The following PTGIR variants were observed in gnomAD, a reference collection of about 807,000 sequenced individuals.
The protein encoded by PTGIR is prostaglandin I2 receptor, also known as prostacyclin receptor.
A neutral mutation model predicts 17.6 loss-of-function variants in PTGIR; 16 were observed. The ratio of observed to expected loss-of-function variants is 0.91; its 90% CI spans 0.61 to 1.38. The LOEUF (loss-of-function observed/expected upper bound fraction) is 1.38. Ranked by LOEUF, PTGIR falls within the 40% of genes most tolerant of loss-of-function variation. The pLI, the probability that PTGIR is intolerant of heterozygous loss-of-function variation, is 0.00. For missense variants in PTGIR, 532 were observed against 548.6 expected (o/e 0.97, Z 0.30); for synonymous variants, 274 against 255.4 (o/e 1.07, Z -0.69).
intron 2 of PTGIR, chr19:46,622,290 A>T: frequency 1.0e-6 from 1 of 985,248 alleles, no homozygotes; most frequent in Non-Finnish European, 1.2e-6. Flanking sequence ...GGCAGAGGGG[A>T]GCCAGGTAGG....
rs1478685850 is a variant in PTGIR at position 46,623,872 on chromosome 19, G to T, written c.354C>A (p.Cys118Ter). The T allele has an allele frequency of 6.2e-7, 1 of 1,610,498 alleles. No individual in the cohort carries two copies. Residue 118 changes from cysteine to a stop codon, truncating the protein, a stop_gained, in exon 2 of 3, where the codon TGC (cysteine) becomes TGA (stop). Coordinates refer to ENST00000291294, the MANE Select transcript of PTGIR (RefSeq NM_000960.4). LOFTEE classifies it high-confidence loss of function. Reference sequence around the variant, plus strand: ...AGAGGTAGGGGTGGCTCAGCGCCAGGCAGCGCTCCACGGCCATGGCAAAGA... The same window carrying T: ...AGAGGTAGGGGTGGCTCAGCGCCAGTCAGCGCTCCACGGCCATGGCAAAGA... ...LILFAMAVER[C>*]LALSHPYLYA...
At chr19:46,619,957 C>T (rs1972035256), downstream of PTGIR, among the ~76,000 whole-genome samples, 2 of 152,302 alleles carry the variant, frequency 1.3e-5, no homozygotes, top group South Asian at 2.1e-4. Flanking sequence ...CACCCTCCAT[C>T]CTGGGCCTCT....
Position 46,623,863 on chromosome 19 carries a change from C to T in PTGIR, c.363G>A (p.Leu121=), listed in dbSNP as rs1485816594. The change falls in exon 2 of 3, where the codon CTG becomes CTA. Residue 121 remains leucine (L), a synonymous_variant. Transcript: ENST00000291294. ...GCTGCGCGTAGAGGTAGGGGTGGCT[C>T]AGCGCCAGGCAGCGCTCCACGGCCA... The part of the protein sequence containing the change: ...FAMAVERCLA[L]SHPYLYAQLD... The T allele has an allele frequency of 6.2e-7, 1 of 1,609,934 alleles. No individual in the cohort carries two copies. The highest frequency in any genetic ancestry group is 8.5e-7 in the Non-Finnish European group (1 of 1,178,572).
Position 46,620,794 on chromosome 19 carries a change from G to A in PTGIR, c.*486C>T. Reference sequence around the variant, plus strand: ...GACCAGCGGCAAGGGAAGGCAGGGAGCTTTTCCAATAACTGTGGTTTTTGT... The same window carrying A: ...GACCAGCGGCAAGGGAAGGCAGGGAACTTTTCCAATAACTGTGGTTTTTGT... On this transcript the variant is annotated 3_prime_UTR_variant, in exon 3 of 3. Coordinates refer to ENST00000291294, the MANE Select transcript of PTGIR (RefSeq NM_000960.4). 1.0e-6 allele frequency: 1 copy of A among 986,376 alleles called. No individual in the cohort carries two copies. The highest frequency in any genetic ancestry group is 1.2e-6 in the Non-Finnish European group (1 of 830,304). The allele number at this position is 986,376 out of a possible 1,614,324, so 61.1% of individuals were successfully genotyped here.
In PTGIR at chr19:46,621,216, T is replaced by A; in HGVS notation, c.*64A>T. On this transcript the variant is annotated 3_prime_UTR_variant, in exon 3 of 3. Transcript: ENST00000291294. The surrounding 1 kb of genome is among the most constrained non-coding windows in gnomAD (Gnocchi z 4.8). Reference sequence around the variant, plus strand: ...CCAGCATCCGCAGCCATCAGCCATGTCCCTGATTTTCTGGCTCCTGTCGCC... The same window carrying A: ...CCAGCATCCGCAGCCATCAGCCATGACCCTGATTTTCTGGCTCCTGTCGCC... The A allele has an allele frequency of 6.8e-7, 1 of 1,471,218 alleles. No homozygotes were observed. The highest frequency in any genetic ancestry group is 1.6e-5 in the South Asian group (1 of 63,158). 91.1% of individuals were successfully genotyped at this position (1,471,218 alleles called of 1,614,324 possible). A position where few individuals can be genotyped will look rare whatever the true frequency, so the allele number is the denominator to read the frequency against.
intron 2 of PTGIR, chr19:46,622,484 TA>T: frequency 1.2e-6 from 1 of 804,414 alleles, no homozygotes. Flanking sequence ...GAAGTATCTG[TA>T]AGCCACTAAG....
At position 46,623,679 on chromosome 19, in the gene PTGIR, C is replaced by G. The variant is rs758087985; in HGVS notation, c.547G>C (p.Ala183Pro). 1.9e-6 allele frequency: 3 copies of G among 1,548,810 alleles called. No homozygotes were observed. The South Asian group carries it at 3.5e-5, about 18-fold the overall frequency. ...RMRWAQPGGA[A>P]FSLAYAGLVA... is the part of the protein sequence containing the mutation. The stretch of plus-strand genomic sequence containing the variant: ...AGGCCGGCGTAGGCCAGCGAGAAGG[C>G]GGCGCCGCCCGGCTGGGCCCAGCGC... The change falls in exon 2 of 3, where the codon GCC becomes CCC. Residue 183 changes from alanine (A) to proline (P), a missense_variant. Coordinates refer to ENST00000291294, the MANE Select transcript of PTGIR (RefSeq NM_000960.4).
the PTGIR span, among the ~76,000 whole-genome samples, chr19:46,613,200 T>C: frequency 6.8e-6 from 1 of 147,060 alleles, no homozygotes; most frequent in African/African-American, 2.5e-5. Context: ...CATGCCACCA[T>C]GCCCGGCTAA....
At chr19:46,612,263 G>C in the PTGIR span, among the ~76,000 whole-genome samples, 1 of 152,184 alleles carries the variant, frequency 6.6e-6, no homozygotes, top group Non-Finnish European at 1.5e-5. Flanking sequence ...AGAGTTTCTG[G>C]ACCTCAATGA....
At chr19:46,618,068 G>T (rs1246014091), downstream of PTGIR, among the ~76,000 whole-genome samples, 1 of 143,374 alleles carries the variant, frequency 7.0e-6, no homozygotes, top group Admixed American at 7.0e-5. Context: ...AGGCTGGAGC[G>T]CTGTGGCGTG....
In PTGIR at chr19:46,621,434, G is replaced by A. The variant is rs2052726452; in HGVS notation, c.1007C>T (p.Pro336Leu). 9 of 1,613,298 alleles carry A rather than the reference G, an allele frequency of 5.6e-6. No individual in the cohort carries two copies. Among genetic ancestry groups the A allele is most frequent in the Non-Finnish European group, 7.6e-6 (9 of 1,179,398 alleles). The change falls in exon 3 of 3, where the codon CCC becomes CTC. Residue 336 changes from proline to leucine, a missense_variant. Transcript: ENST00000291294. This position sits in a 1 kb window ranked among gnomAD's most constrained non-coding sequence, Gnocchi z 4.8. ...CCCCTCCTTTCCCACAGGAGCAGAG[G>A]GGGCCCTTGGGTCCCTCCTCCCTGA... is the stretch of plus-strand genomic sequence containing the variant. Reference protein sequence around the residue: ...LASGRRDPRAPSAPVGKEGSC... With the variant: ...LASGRRDPRALSAPVGKEGSC...
chr19:46,622,615 T>C (rs1490241836), intron 2 of PTGIR: 1 of 156,678 alleles, frequency 6.4e-6, no homozygotes, highest in Non-Finnish European at 1.4e-5. Flanking sequence ...GGAGACAAGG[T>C]ATCAGAAGAA....
rs1295998556 is a variant in PTGIR at position 46,621,618 on chromosome 19, G to T, written c.823C>A (p.Leu275Ile). 1 of 1,613,512 alleles carries T rather than the reference G, an allele frequency of 6.2e-7. No individual in the cohort carries two copies. Among genetic ancestry groups the T allele is most frequent in the Admixed American group, 1.7e-5 (1 of 60,032 alleles). ...APDSSSEMGD[L>I]LAFRFYAFNP... ...AAGGCGTAGAAGCGGAAGGCAAGGA[G>T]GTCCCCCATCTCACTGCTGCTGTCA... Residue 275 changes from leucine to isoleucine, a missense_variant, in exon 3 of 3, where the codon CTC (leucine) becomes ATC (isoleucine). Leu to Ile is a conservative substitution (Grantham distance 5). Coordinates refer to ENST00000291294, the MANE Select transcript of PTGIR (RefSeq NM_000960.4). The surrounding 1 kb of genome is among the most constrained non-coding windows in gnomAD (Gnocchi z 4.8).
chr19:46,619,388 G>A (rs1420643899), downstream of PTGIR, among the ~76,000 whole-genome samples: 3 of 151,666 alleles, frequency 2.0e-5, no homozygotes, highest in Middle Eastern at 3.4e-3. Context: ...CCAGCTACTC[G>A]GGAGGCTGAG....
chr19:46,619,368 G>T (rs566701348), downstream of PTGIR, among the ~76,000 whole-genome samples: 1 of 151,756 alleles, frequency 6.6e-6, no homozygotes, highest in African/African-American at 2.4e-5. Context: ...GGTGGTGCAC[G>T]CCTGTAATCC....
At chr19:46,623,396 G>T (rs1450137740) in intron 2 of PTGIR, 62 bp downstream of exon 2, 2 of 1,446,962 alleles carry the variant, frequency 1.4e-6, no homozygotes, top group Non-Finnish European at 1.8e-6. Context: ...TGTGACATGG[G>T]CACAACCCAC....
chr19:46,622,291 G>A (rs2052738505), intron 2 of PTGIR: 2 of 985,288 alleles, frequency 2.0e-6, no homozygotes, highest in African/African-American at 1.7e-5. Flanking sequence ...GCAGAGGGGA[G>A]CCAGGTAGGT....
At chr19:46,619,564 AG>A (rs1972018078), downstream of PTGIR, among the ~76,000 whole-genome samples, 1 of 132,102 alleles carries the variant, frequency 7.6e-6, no homozygotes, top group African/African-American at 3.1e-5. Context: ...AGAGAGAGAG[AG>A]AGAGAGAGAG....
rs200973220 is a variant in PTGIR, at chr19:46,623,616, C to A, written c.610G>T (p.Gly204Cys). ...CGGCAGAGGCTGAGGGTGACCGAGC[C>A]GTTGCAGAGGAAGATGGCAGCCACC... ...LLVAAIFLCN[G>C]SVTLSLCRMY... The change falls in exon 2 of 3, where the codon GGC becomes TGC. Residue 204 changes from glycine to cysteine, a missense_variant. By Grantham distance (159) the Gly-to-Cys change is radical (BLOSUM62 -3). Coordinates refer to ENST00000291294, the MANE Select transcript of PTGIR (RefSeq NM_000960.4). 9.0e-6 allele frequency: 14 copies of A among 1,549,634 alleles called. No homozygotes were observed. The highest frequency in any genetic ancestry group is 1.0e-5 in the Non-Finnish European group (12 of 1,147,772).
Sources: gnomAD v4.1 joint callset for allele counts (sites outside exome capture counted in the v4.1 genomes callset) on GRCh38, gnomAD v4.1.1 for gene constraint, Gnocchi (gnomAD v3.1) non-coding constraint, MANE v1.5 for transcripts, NCBI Gene and HGNC (gene_info 2026-07-23, HGNC 2026-07-21) for gene names.